MANBA: variants seen among roughly 807,000 people sequenced by gnomAD.
MANBA encodes beta-mannosidase.
MANBA carries 83 observed loss-of-function variants against 111.1 expected under a neutral mutation model. The ratio of observed to expected loss-of-function variants is 0.75; its 90% CI spans 0.63 to 0.90. MANBA has a LOEUF of 0.90. MANBA is among the 40% of genes least tolerant of loss of function. MANBA has a pLI of 0.00. For missense variants in MANBA, 1,036 were observed against 1,069.0 expected, an observed-to-expected ratio of 0.97 and a Z score of 0.43; for synonymous variants, 370 against 378.7, an observed-to-expected ratio of 0.98 and a Z score of 0.27.
At chr4:102,690,797 A>C (rs1175526158) in intron 5 of MANBA, 26 bp from the exon 6 acceptor site, 1 of 693,804 alleles carries the variant, frequency 1.4e-6, no homozygotes, top group South Asian at 3.8e-5. Context: ...AAAAAGAAAT[A>C]TATATATATA....
chr4:102,707,154 A>AAC (rs1733334126), intron 5 of MANBA, among the ~76,000 whole-genome samples: 1 of 152,208 alleles, frequency 6.6e-6, no homozygotes, highest in South Asian at 2.1e-4. Flanking sequence ...GTCAAAGACA[A>AAC]AGAGAGAATT....
Position 102,668,958 on chromosome 4 carries a change from C to T in MANBA, c.1317+5G>A, listed in dbSNP as rs761776267. The T allele has an allele frequency of 4.4e-6, 7 of 1,603,698 alleles. No homozygotes were observed. The highest frequency in any genetic ancestry group is 6.0e-6 in the Non-Finnish European group (7 of 1,170,840). On this transcript the variant is annotated splice_donor_5th_base_variant and intron_variant, in intron 10 of 16. Coordinates refer to ENST00000647097, the MANE Select transcript of MANBA (RefSeq NM_005908.4). ...TTATTTCTTCTTGGAAGGGTAGTAA[C>T]ATACCTGGTAGGCAACTTCTGCTGT... is the stretch of plus-strand genomic sequence containing the variant.
intron 13 of MANBA, among the ~76,000 whole-genome samples, chr4:102,647,337 C>T (rs529342934): frequency 6.7e-6 from 1 of 150,202 alleles, no homozygotes; most frequent in Non-Finnish European, 1.5e-5. Context: ...GACACTAGTG[C>T]TAAATTCTCA....
chr4:102,740,411 C>T (rs1455416429), intron 1 of MANBA, among the ~76,000 whole-genome samples: 1 of 152,124 alleles, frequency 6.6e-6, no homozygotes, highest in African/African-American at 2.4e-5. Context: ...CATCAAAATA[C>T]CATCATCATT....
intron 2 of MANBA, among the ~76,000 whole-genome samples, chr4:102,725,957 G>A (rs989608487): frequency 1.4e-4 from 21 of 152,264 alleles, no homozygotes; most frequent in African/African-American, 3.1e-4. Context: ...TGGATATGTT[G>A]AGTTCAAGGT....
At position 102,674,030 on chromosome 4, in the gene MANBA, T is replaced by C; in HGVS notation, c.1001A>G (p.Lys334Arg). The change falls in exon 8 of 17, where the codon AAA becomes AGA. Residue 334 changes from lysine (K) to arginine (R), a missense_variant. Coordinates refer to ENST00000647097, the MANE Select transcript of MANBA (RefSeq NM_005908.4). Reference sequence around the variant, plus strand: ...ATAGAAACTCAAACCAGGAGACCCTTTTATAGGCTCTTCTATAAGTTCCAC... The same window carrying C: ...ATAGAAACTCAAACCAGGAGACCCTCTTATAGGCTCTTCTATAAGTTCCAC... Reference protein sequence around the residue: ...RTVELIEEPIKGSPGLSFYFK... With the variant: ...RTVELIEEPIRGSPGLSFYFK... 1 of 1,603,384 alleles carries C rather than the reference T, an allele frequency of 6.2e-7. No individual in the cohort carries two copies. The highest frequency in any genetic ancestry group is 8.5e-7 in the Non-Finnish European group (1 of 1,170,238).
intron 9 of MANBA, 160 bp downstream of exon 9, chr4:102,671,121 C>T: frequency 1.6e-6 from 1 of 617,802 alleles, no homozygotes; most frequent in East Asian, 3.0e-5. Context: ...TAGTTGATCA[C>T]CTATGGCTCT....
chr4:102,734,296 T>G, intron 1 of MANBA: 17 of 1,495,578 alleles, frequency 1.1e-5, no homozygotes, highest in South Asian at 2.5e-5. Flanking sequence ...GGCAGCAGCG[T>G]GAGAGTTGGC....
intron 5 of MANBA, among the ~76,000 whole-genome samples, chr4:102,695,132 T>C (rs1019919793): frequency 6.6e-6 from 1 of 152,152 alleles, no homozygotes; most frequent in Admixed American, 6.5e-5. Context: ...GTTCAGAGTA[T>C]CACAAGACAA....
At chr4:102,718,554 A>C (rs1021595339) in intron 4 of MANBA, among the ~76,000 whole-genome samples, 1 of 152,240 alleles carries the variant, frequency 6.6e-6, no homozygotes, top group African/African-American at 2.4e-5. Flanking sequence ...AGATGGCATC[A>C]AACACTGGTA....
intron 5 of MANBA, among the ~76,000 whole-genome samples, chr4:102,703,881 G>A (rs1733174563): frequency 6.6e-6 from 1 of 152,066 alleles, no homozygotes; most frequent in Admixed American, 6.5e-5. Context: ...GGATCACAAG[G>A]TCAGGAGATC....
At chr4:102,758,718 T>C (rs1025417219) in intron 1 of MANBA, among the ~76,000 whole-genome samples, 24 of 152,032 alleles carry the variant, frequency 1.6e-4, no homozygotes, top group Non-Finnish European at 4.4e-5. Flanking sequence ...AATTTTTTAA[T>C]TTTTTGTAGA....
chr4:102,751,916 G>A (rs2110211752), intron 1 of MANBA: 2 of 635,620 alleles, frequency 3.1e-6, no homozygotes, highest in East Asian at 3.5e-5. Flanking sequence ...TATGGGAGTG[G>A]AATAGAGAGA....
intron 5 of MANBA, among the ~76,000 whole-genome samples, chr4:102,712,667 C>T (rs1722130620): frequency 6.6e-6 from 1 of 151,884 alleles, no homozygotes. Context: ...TGCAGGTGAA[C>T]GCCACCAGGC....
intron 1 of MANBA, among the ~76,000 whole-genome samples, chr4:102,742,908 C>G (rs1723457469): frequency 1.0e-5 from 1 of 98,246 alleles, no homozygotes; most frequent in Non-Finnish European, 2.0e-5. Context: ...CTGCTGCTGG[C>G]AAATTGGACA....
rs749585174 is a variant in MANBA at position 102,639,846 on chromosome 4, G to C, written c.1881C>G (p.Ala627=). 11 of 1,613,978 alleles carry C rather than the reference G, an allele frequency of 6.8e-6. No individual in the cohort carries two copies. In the East Asian group the frequency reaches 2.5e-4, roughly 36 times the overall value. The part of the protein sequence containing the change: ...DTIYLTQVMQ[A]QCVKTETEFY... ...ATTCAGTTTCTGTTTTGACACACTG[G>C]GCCTGCATCACCTGATTCAGGAAAA... The change falls in exon 14 of 17, where the codon GCC becomes GCG. Residue 627 remains alanine (A), a synonymous_variant. Coordinates refer to ENST00000647097, the MANE Select transcript of MANBA (RefSeq NM_005908.4).
At chr4:102,679,262 C>T (rs1006021230) in intron 7 of MANBA, among the ~76,000 whole-genome samples, 2 of 151,910 alleles carry the variant, frequency 1.3e-5, no homozygotes, top group Admixed American at 1.3e-4. Flanking sequence ...GTTATGCATC[C>T]TTGTAGCCAG....
At chr4:102,748,308 G>A (rs1036228158) in intron 1 of MANBA, among the ~76,000 whole-genome samples, 3 of 152,144 alleles carry the variant, frequency 2.0e-5, no homozygotes, top group Admixed American at 1.3e-4. Context: ...TATGAAGAGT[G>A]CTTAGAACAG....
intron 11 of MANBA, among the ~76,000 whole-genome samples, chr4:102,663,819 A>T (rs75852609): frequency 6.6e-6 from 1 of 152,212 alleles, no homozygotes; most frequent in East Asian, 1.9e-4. Context: ...TGAAGGCATT[A>T]CTGAAAAAAA....
Sources: gnomAD v4.1 joint callset for allele counts (sites outside exome capture counted in the v4.1 genomes callset) on GRCh38, gnomAD v4.1.1 for gene constraint, MANE v1.5 for transcripts, NCBI Gene and HGNC (gene_info 2026-07-23, HGNC 2026-07-21) for gene names.